Variants in TRPM4 observed in about 807,000 individuals in gnomAD.
TRPM4 encodes transient receptor potential cation channel subfamily M member 4.
A neutral mutation model predicts 135.6 loss-of-function variants in TRPM4; 124 were observed. The ratio of observed to expected loss-of-function variants is 0.91; its 90% CI spans 0.79 to 1.06. TRPM4 has a LOEUF of 1.06. Among genes scored for constraint, TRPM4 ranks in the 50% least tolerant of loss-of-function variants. The pLI, the probability that TRPM4 is intolerant of heterozygous loss-of-function variation, is 0.00. For synonymous variants in TRPM4, 745 were observed against 705.6 expected, an observed-to-expected ratio of 1.06 and a Z score of -0.88; for missense variants, 1,658 against 1,671.4, an observed-to-expected ratio of 0.99 and a Z score of 0.14.
intron 9 of TRPM4, among the ~76,000 whole-genome samples, chr19:49,177,568 T>C (rs1967747353): frequency 6.6e-6 from 1 of 151,988 alleles, no homozygotes; most frequent in Non-Finnish European, 1.5e-5. Flanking sequence ...CCTCGTGATC[T>C]GCCTGCCTCG....
chr19:49,177,102 C>G (rs936058646), intron 9 of TRPM4, among the ~76,000 whole-genome samples: 1 of 152,048 alleles, frequency 6.6e-6, no homozygotes, highest in African/African-American at 2.4e-5. Context: ...TAAGGTAACT[C>G]TCAGTGGGCA....
At chr19:49,197,014 G>A in intron 17 of TRPM4, 140 bp downstream of exon 17, 1 of 825,876 alleles carries the variant, frequency 1.2e-6, no homozygotes, top group Non-Finnish European at 1.8e-6. Context: ...CCCCTCTTAG[G>A]AAAGTCGGGC....
rs898329983 is a variant in TRPM4 at position 49,211,586 on chromosome 19, G to T, written c.*88G>T. ...ATCTGGGCCTCGGCCCCCGCACCTG[G>T]TGGCCTTGTCCTTGAGGTGAGCCCC... is the stretch of plus-strand genomic sequence containing the variant. On this transcript the variant is annotated 3_prime_UTR_variant, in exon 25 of 25. Transcript: ENST00000252826. This position sits in a 1 kb window ranked among gnomAD's most constrained non-coding sequence, Gnocchi z 4.8. 1.2e-5 allele frequency: 19 copies of T among 1,566,686 alleles called. No homozygotes were observed. In the African/African-American group the frequency reaches 2.6e-4, roughly 21 times the overall value.
intron 9 of TRPM4, among the ~76,000 whole-genome samples, chr19:49,177,029 G>A (rs1181189084): frequency 6.6e-6 from 1 of 152,132 alleles, no homozygotes; most frequent in African/African-American, 2.4e-5. Flanking sequence ...CCCGGTGGGG[G>A]CCCAATAAGA....
chr19:49,159,989 T>C (rs117693023), intron 2 of TRPM4: 7 of 152,366 alleles, frequency 4.6e-5, no homozygotes, highest in Non-Finnish European at 8.8e-5. Flanking sequence ...AACTCTGGTC[T>C]GGCCTGAGGA....
At chr19:49,207,667 A>C in intron 20 of TRPM4, among the ~76,000 whole-genome samples, 1 of 144,684 alleles carries the variant, frequency 6.9e-6, no homozygotes, top group South Asian at 2.2e-4. Flanking sequence ...AAAGCCATGC[A>C]TGGTGGCTCA....
rs267605580 is a variant in TRPM4 at position 49,181,378 on chromosome 19, C to G, written c.1180C>G (p.Leu394Val). The change falls in exon 10 of 25, where the codon CTG becomes GTG. Residue 394 changes from leucine to valine, a missense_variant. Leu to Val is a conservative substitution (Grantham distance 32). Around this residue, in one of 3 missense-constraint regions of TRPM4, gnomAD observed 1,412 missense variants for 1,408.7 expected, o/e 1.00. Coordinates refer to ENST00000252826, the MANE Select transcript of TRPM4 (RefSeq NM_017636.4). ...TGGGAGCTCGGAGGCCTCAGCCTAC[C>G]TGGATGAGCTGCGTTTGGCTGTGGC... is the stretch of plus-strand genomic sequence containing the variant. ...ACGSSEASAY[L>V]DELRLAVAWN... is the part of the protein sequence containing the mutation. 31 of 1,613,870 alleles carry G rather than the reference C, an allele frequency of 1.9e-5. No individual in the cohort carries two copies. The highest frequency in any genetic ancestry group is 2.4e-5 in the Non-Finnish European group (28 of 1,180,010).
chr19:49,195,370 CTTTA>C (rs1208246902), intron 16 of TRPM4, among the ~76,000 whole-genome samples: 3 of 152,020 alleles, frequency 2.0e-5, no homozygotes, highest in Admixed American at 2.0e-4. Flanking sequence ...TCTTCTTCTT[CTTTA>C]TTTTTTTATT....
chr19:49,188,809 T>TGCCGCCAGAGGGGGATGTGCAAC (rs776931040), intron 13 of TRPM4, 39 bp downstream of exon 13: 44 of 1,612,982 alleles, frequency 2.7e-5, no homozygotes, highest in East Asian at 4.5e-5. Flanking sequence ...GGACGGGGGC[T>TGCCGCCAGAGGGGGATGTGCAAC]GCCGCCAGAG....
In TRPM4 at chr19:49,182,623, C is replaced by G. The variant is rs540785901; in HGVS notation, c.1309C>G (p.Arg437Gly). 3 of 1,614,144 alleles carry G rather than the reference C, an allele frequency of 1.9e-6. No individual in the cohort carries two copies. The highest frequency in any genetic ancestry group is 2.5e-6 in the Non-Finnish European group (3 of 1,180,042). The part of the protein sequence containing the change: ...ASLMDALLND[R>G]PEFVRLLISH... Reference sequence around the variant, plus strand: ...CCTCATGGACGCCCTGCTGAATGACCGGCCTGAGTTCGTGCGCTTGCTCAT... The same window carrying G: ...CCTCATGGACGCCCTGCTGAATGACGGGCCTGAGTTCGTGCGCTTGCTCAT... The change falls in exon 11 of 25, where the codon CGG (arginine) becomes GGG (glycine). Residue 437 changes from arginine (R) to glycine (G), a missense_variant. By Grantham distance (125) the Arg-to-Gly change is moderately radical. Transcript: ENST00000252826.
At chr19:49,159,184 A>C (rs1211164726) in intron 2 of TRPM4, 2 of 151,648 alleles carry the variant, frequency 1.3e-5, no homozygotes, top group Non-Finnish European at 2.9e-5. Context: ...GGCGCCCGCC[A>C]CCACGCCCGG....
In TRPM4 at chr19:49,211,536, G is replaced by A. The variant is rs755281257; in HGVS notation, c.*38G>A. 1.9e-6 allele frequency: 3 copies of A among 1,613,844 alleles called. No homozygotes were observed. The highest frequency in any genetic ancestry group is 2.2e-5 in the East Asian group (1 of 44,872). ...GACTTCAAGGAGAAGCCCCCACAGG[G>A]GATTTTGCTCCTAGAGTAAGGCTCA... is the stretch of plus-strand genomic sequence containing the variant. On this transcript the variant is annotated 3_prime_UTR_variant, in exon 25 of 25. Coordinates refer to ENST00000252826, the MANE Select transcript of TRPM4 (RefSeq NM_017636.4). This position sits in a 1 kb window ranked among gnomAD's most constrained non-coding sequence, Gnocchi z 4.8.
Position 49,210,454 on chromosome 19 carries a change from C to T in TRPM4, c.3328+49C>T. The T allele has an allele frequency of 6.3e-7, 1 of 1,595,392 alleles. No individual in the cohort carries two copies. The highest frequency in any genetic ancestry group is 1.8e-4 in the Middle Eastern group (1 of 5,498). The stretch of plus-strand genomic sequence containing the variant: ...AAGGAGAAATATAGGGGACCGGGAG[C>T]CTGGAAGGCGAGGGGAAGGGGGCAT... On this transcript the variant is annotated intron_variant, in intron 21 of 24. Coordinates refer to ENST00000252826, the MANE Select transcript of TRPM4 (RefSeq NM_017636.4). The surrounding 1 kb of genome is among the most constrained non-coding windows in gnomAD (Gnocchi z 4.1).
chr19:49,181,830 CCT>C (rs1232629750), intron 10 of TRPM4, among the ~76,000 whole-genome samples: 1 of 152,088 alleles, frequency 6.6e-6, no homozygotes, highest in African/African-American at 2.4e-5. Context: ...CCGCACCCGG[CCT>C]CTCTGCCTTC....
At position 49,210,867 on chromosome 19, in the gene TRPM4, TG is replaced by T; in HGVS notation, c.3461+29del. On this transcript the variant is annotated intron_variant, in intron 22 of 24. Coordinates refer to ENST00000252826, the MANE Select transcript of TRPM4 (RefSeq NM_017636.4). This position sits in a 1 kb window ranked among gnomAD's most constrained non-coding sequence, Gnocchi z 4.1. Reference sequence around the variant, plus strand: ...AGTGAGAGCGGGGCCTGGTCGGGGATGGGGCTTCTGGCCTGGGGCGGATCCT... The same window carrying T: ...AGTGAGAGCGGGGCCTGGTCGGGGATGGGCTTCTGGCCTGGGGCGGATCCT... 1 of 1,535,664 alleles carries T rather than the reference TG, an allele frequency of 6.5e-7. No homozygotes were observed. Among genetic ancestry groups the T allele is most frequent in the South Asian group, 1.1e-5 (1 of 88,176 alleles).
intron 9 of TRPM4, among the ~76,000 whole-genome samples, chr19:49,179,846 C>T (rs1967849057): frequency 6.6e-6 from 1 of 152,170 alleles, no homozygotes; most frequent in African/African-American, 2.4e-5. Flanking sequence ...CAAGCACAGC[C>T]TTGGAGGTTA....
At chr19:49,208,907 C>T (rs1162301187) in intron 20 of TRPM4, among the ~76,000 whole-genome samples, 1 of 148,258 alleles carries the variant, frequency 6.7e-6, no homozygotes, top group East Asian at 2.0e-4. Context: ...TGCAGTGAGC[C>T]GAGATTGTGC....
At chr19:49,161,323 CTTTTTT>C (rs67808134) in intron 2 of TRPM4, among the ~76,000 whole-genome samples, 39 of 101,206 alleles carry the variant, frequency 3.9e-4, no homozygotes, top group African/African-American at 1.3e-3. Flanking sequence ...GTCTCTCTCT[CTTTTTT>C]TTTTTTTTTT....
chr19:49,195,751 A>G (rs1209422115), intron 16 of TRPM4, among the ~76,000 whole-genome samples: 5 of 146,996 alleles, frequency 3.4e-5, no homozygotes, highest in Non-Finnish European at 7.4e-5. Context: ...TGGCATGTTC[A>G]TGGCTGACTG....
Sources: allele counts gnomAD v4.1 joint callset (sites outside exome capture counted in the v4.1 genomes callset), GRCh38; gene constraint gnomAD v4.1.1; regional missense constraint gnomAD v4.1.1; non-coding constraint Gnocchi (gnomAD v3.1); transcripts MANE v1.5; gene names NCBI Gene and HGNC (gene_info 2026-07-23, HGNC 2026-07-21).